MAPK4: variants seen among roughly 807,000 people sequenced by gnomAD.
MAPK4 encodes the protein Erk3-related.
A neutral mutation model predicts 47.7 loss-of-function variants in MAPK4; 22 were observed. The ratio of observed to expected loss-of-function variants is 0.46; its 90% CI spans 0.33 to 0.66. MAPK4 has a LOEUF of 0.66. MAPK4 is among the 30% of genes least tolerant of loss of function. MAPK4 has a pLI of 0.02. For synonymous variants in MAPK4, 390 were observed against 365.7 expected, an observed-to-expected ratio of 1.07 and a Z score of -0.76; for missense variants, 736 against 831.7, an observed-to-expected ratio of 0.88 and a Z score of 1.42.
chr18:50,717,761 CTGT>C (rs1910717642), intron 3 of MAPK4, among the ~76,000 whole-genome samples: 1 of 152,160 alleles, frequency 6.6e-6, no homozygotes, highest in Admixed American at 6.5e-5. Context: ...AGTTGCTGGC[CTGT>C]TGTTCTTGTT....
chr18:50,715,031 G>T, intron 2 of MAPK4, 48 bp from the exon 3 acceptor site: 1 of 1,593,850 alleles, frequency 6.3e-7, no homozygotes, highest in East Asian at 2.2e-5. Context: ...TGGGAGGAAG[G>T]GTATCCAAAA....
At chr18:50,562,269 G>T in intron 1 of MAPK4, among the ~76,000 whole-genome samples, 1 of 152,164 alleles carries the variant, frequency 6.6e-6, no homozygotes, top group African/African-American at 2.4e-5. Flanking sequence ...TGAATCTCCT[G>T]TTGGGTTGGT....
At chr18:50,687,500 G>A (rs1366641475) in intron 2 of MAPK4, among the ~76,000 whole-genome samples, 2 of 152,214 alleles carry the variant, frequency 1.3e-5, no homozygotes, top group African/African-American at 2.4e-5. Context: ...CTCAGTTTGC[G>A]AGTTTTTGTG....
chr18:50,719,283 G>C (rs1342321573), intron 3 of MAPK4, among the ~76,000 whole-genome samples: 5 of 151,986 alleles, frequency 3.3e-5, no homozygotes. Context: ...GGGGATACAA[G>C]TCTGAGTAAG....
chr18:50,629,383 T>C (rs1448714051), intron 1 of MAPK4: 1 of 152,238 alleles, frequency 6.6e-6, no homozygotes, highest in East Asian at 1.9e-4. Flanking sequence ...TAGAAATGTA[T>C]GTTTTAATTT....
chr18:50,681,720 A>T (rs532239345), intron 2 of MAPK4, among the ~76,000 whole-genome samples: 21 of 152,280 alleles, frequency 1.4e-4, no homozygotes, highest in African/African-American at 5.1e-4. Context: ...ATATCACTTA[A>T]CTATAAATGT....
chr18:50,725,095 A>G (rs1350598749), intron 4 of MAPK4, among the ~76,000 whole-genome samples: 10 of 152,228 alleles, frequency 6.6e-5, no homozygotes. Flanking sequence ...GTTAGCAAAC[A>G]GCCTCTCGCA....
intron 1 of MAPK4, among the ~76,000 whole-genome samples, chr18:50,628,095 A>C (rs1319967305): frequency 1.3e-5 from 2 of 152,088 alleles, no homozygotes; most frequent in Non-Finnish European, 2.9e-5. Context: ...GGGGCTGGGG[A>C]GGGGGAAGGC....
intron 5 of MAPK4, 150 bp downstream of exon 5, chr18:50,726,325 G>A: frequency 1.3e-6 from 1 of 746,646 alleles, no homozygotes; most frequent in Non-Finnish European, 2.2e-6. Context: ...TTTCTCTTGT[G>A]CCCAGACACT....
At chr18:50,571,366 C>G (rs1197140484) in intron 1 of MAPK4, among the ~76,000 whole-genome samples, 1 of 152,100 alleles carries the variant, frequency 6.6e-6, no homozygotes, top group African/African-American at 2.4e-5. Context: ...GTGACCGAGC[C>G]TTTGGAAGAA....
chr18:50,682,353 T>C (rs2144319419), intron 2 of MAPK4, among the ~76,000 whole-genome samples: 1 of 152,322 alleles, frequency 6.6e-6, no homozygotes, highest in East Asian at 1.9e-4. Flanking sequence ...AATAGCTTCA[T>C]TGGTGAATTC....
At chr18:50,578,586 C>T (rs1181075162) in intron 1 of MAPK4, among the ~76,000 whole-genome samples, 1 of 152,124 alleles carries the variant, frequency 6.6e-6, no homozygotes, top group Non-Finnish European at 1.5e-5. Flanking sequence ...CTAATGGTTA[C>T]AAGATCAGGA....
upstream of MAPK4, among the ~76,000 whole-genome samples, chr18:50,559,617 C>A (rs2042133003): frequency 7.3e-6 from 1 of 136,840 alleles, no homozygotes; most frequent in South Asian, 2.3e-4. Flanking sequence ...TCCCCACCCA[C>A]CCTCCCACCG....
intron 1 of MAPK4, among the ~76,000 whole-genome samples, chr18:50,657,705 TG>T (rs1274366189): frequency 6.6e-5 from 10 of 151,340 alleles, no homozygotes; most frequent in South Asian, 2.1e-4. Context: ...TGTCACAGCT[TG>T]GGGGTGTGAC....
intron 1 of MAPK4, among the ~76,000 whole-genome samples, chr18:50,587,713 A>G (rs8083236): frequency 0.027 from 4,093 of 152,166 alleles, 174 homozygotes; most frequent in African/African-American, 0.092. Flanking sequence ...CTCTGTCTAG[A>G]TGGTCGATGA....
chr18:50,705,282 C>T (rs1909989910), intron 2 of MAPK4: 1 of 152,294 alleles, frequency 6.6e-6, no homozygotes, highest in Non-Finnish European at 1.5e-5. Flanking sequence ...AAGTGAGCGC[C>T]TATCTTGTAC....
At chr18:50,625,882 GCACACACACACACACACA>G (rs58870306) in intron 1 of MAPK4, among the ~76,000 whole-genome samples, 21,071 of 145,330 alleles carry the variant, frequency 0.14, 1,636 homozygotes, top group Middle Eastern at 0.17. Flanking sequence ...GTGTGTGTAT[GCACACACACACACACACA>G]CACACACACA....
intron 3 of MAPK4, among the ~76,000 whole-genome samples, chr18:50,720,609 T>C (rs1910884953): frequency 6.6e-6 from 1 of 151,930 alleles, no homozygotes. Context: ...AAGCAGAAGG[T>C]TGTGTATTAC....
intron 2 of MAPK4, among the ~76,000 whole-genome samples, chr18:50,694,367 A>G (rs1291603268): frequency 6.6e-6 from 1 of 151,978 alleles, no homozygotes; most frequent in Non-Finnish European, 1.5e-5. Context: ...CGTCCCCCTC[A>G]CCTCAGAAGT....
Sources: allele counts gnomAD v4.1 joint callset (sites outside exome capture counted in the v4.1 genomes callset), GRCh38; gene constraint gnomAD v4.1.1; transcripts MANE v1.5; gene names NCBI Gene and HGNC (gene_info 2026-07-23, HGNC 2026-07-21).